The following FA2H variants were observed in gnomAD, a reference collection of about 807,000 sequenced individuals.
FA2H encodes the protein fatty acid 2-hydroxylase.
Under a neutral mutation model 44.9 loss-of-function variants are expected in FA2H, and 22 were observed. The ratio of observed to expected loss-of-function variants is 0.49; its 90% CI spans 0.35 to 0.70. The LOEUF (loss-of-function observed/expected upper bound fraction) is 0.70, where lower values mean the gene tolerates loss of function less well. FA2H is among the 30% of genes least tolerant of loss of function. The pLI is 0.01. For missense variants in FA2H, 501 were observed against 504.9 expected (o/e 0.99, Z 0.07); for synonymous variants, 243 against 213.2 (o/e 1.14, Z -1.22).
At chr16:74,758,235 C>T (rs191871169) in intron 1 of FA2H, among the ~76,000 whole-genome samples, 1 of 151,370 alleles carries the variant, frequency 6.6e-6, no homozygotes, top group African/African-American at 2.4e-5. Flanking sequence ...ATTCTCCTGC[C>T]TCAGCCTCCT....
At chr16:74,730,085 T>A (rs1260785374) in intron 2 of FA2H, among the ~76,000 whole-genome samples, 1 of 152,068 alleles carries the variant, frequency 6.6e-6, no homozygotes, top group Non-Finnish European at 1.5e-5. Context: ...CCACAGCGGG[T>A]CTTCCAGGAA....
intron 4 of FA2H, among the ~76,000 whole-genome samples, chr16:74,725,683 G>A (rs558125146): frequency 1.2e-4 from 19 of 152,302 alleles, no homozygotes; most frequent in South Asian, 2.1e-4. Context: ...GGGAGAACAC[G>A]TGGCCCCGCA....
chr16:74,722,136 G>A (rs1171430073), intron 4 of FA2H, among the ~76,000 whole-genome samples: 1 of 150,358 alleles, frequency 6.7e-6, no homozygotes, highest in African/African-American at 2.5e-5. Context: ...GGACTCCTCT[G>A]GGCTCCTTCA....
At chr16:74,734,116 G>A (rs1290829314) in intron 2 of FA2H, among the ~76,000 whole-genome samples, 1 of 152,214 alleles carries the variant, frequency 6.6e-6, no homozygotes, top group African/African-American at 2.4e-5. Flanking sequence ...TATGTCCCAA[G>A]GCTCGGGGGA....
intron 1 of FA2H, among the ~76,000 whole-genome samples, chr16:74,744,935 AC>A (rs1962388336): frequency 6.6e-6 from 1 of 152,138 alleles, no homozygotes; most frequent in Non-Finnish European, 1.5e-5. Flanking sequence ...AGGGAAGTGA[AC>A]AATTTTGTAG....
chr16:74,720,680 A>G lies in FA2H; in HGVS notation c.614-1520T>C, dbSNP rs150185909. Among the ~76,000 whole-genome samples the G allele has an allele frequency of 1.8e-4, 28 of 152,236 alleles. No homozygotes were observed. The East Asian group carries it at 5.4e-3, about 29-fold the overall frequency. On this transcript the variant is annotated intron_variant, in intron 4 of 6. Coordinates refer to ENST00000219368, the MANE Select transcript of FA2H (RefSeq NM_024306.5). ...TTAAACCGTCACCCCAGTCAATTTT[A>G]CAACATTTTTATCACTTCCCCGCCA...
chr16:74,768,234 A>G (rs1962844275), intron 1 of FA2H, among the ~76,000 whole-genome samples: 2 of 152,184 alleles, frequency 1.3e-5, no homozygotes. Flanking sequence ...TATTTCCTCC[A>G]GAGAATCCTA....
intron 4 of FA2H, among the ~76,000 whole-genome samples, chr16:74,723,821 G>C (rs1006436230): frequency 1.3e-5 from 2 of 152,148 alleles, no homozygotes; most frequent in Admixed American, 1.3e-4. Flanking sequence ...ACCCATCTTG[G>C]AGGGGTGTAG....
At chr16:74,719,875 G>A (rs1248874988) in intron 4 of FA2H, among the ~76,000 whole-genome samples, 3 of 151,848 alleles carry the variant, frequency 2.0e-5, no homozygotes, top group Non-Finnish European at 4.4e-5. Context: ...TTAATGATGG[G>A]AAGTGTGACC....
chr16:74,770,975 C>T (rs536242355), intron 1 of FA2H, among the ~76,000 whole-genome samples: 8 of 152,238 alleles, frequency 5.3e-5, no homozygotes, highest in African/African-American at 1.7e-4. Flanking sequence ...AACCATGGTG[C>T]TAGGTGGTTA....
intron 4 of FA2H, among the ~76,000 whole-genome samples, chr16:74,721,880 C>T (rs913569888): frequency 6.6e-6 from 1 of 152,220 alleles, no homozygotes; most frequent in Non-Finnish European, 1.5e-5. Context: ...TGCACCGGCA[C>T]GCGGGCGCTG....
intron 4 of FA2H, among the ~76,000 whole-genome samples, chr16:74,724,498 C>T (rs781645181): frequency 2.0e-5 from 3 of 152,214 alleles, no homozygotes; most frequent in Non-Finnish European, 4.4e-5. Context: ...CTTCTTGGCA[C>T]CCTGACTCTT....
At position 74,727,299 on chromosome 16, in the gene FA2H, T is replaced by C. The variant is rs753898846; in HGVS notation, c.451A>G (p.Arg151Gly). 1.2e-5 allele frequency: 19 copies of C among 1,614,048 alleles called. No homozygotes were observed. The Middle Eastern group carries it at 6.6e-4, about 56-fold the overall frequency. Residue 151 changes from arginine (R) to glycine (G), a missense_variant, in exon 3 of 7, where the codon AGG (arginine) becomes GGG (glycine). Physicochemically the swap from Arg to Gly is moderately radical, Grantham distance 125. Transcript: ENST00000219368. ...YDEWVHQPVT[R>G]PIRLFHSDLI... ...TCTGAGTGGAAGAGGCGGATGGGCC[T>C]GGTCACCGGCTGGTGAACCCACTCA...
chr16:74,714,414 T>G, intron 6 of FA2H, 145 bp from the exon 7 acceptor site: 1 of 694,632 alleles, frequency 1.4e-6, no homozygotes, highest in South Asian at 1.6e-5. Flanking sequence ...GAGGCCATTC[T>G]GGCAGAAGTC....
chr16:74,745,590 G>A (rs941512142), intron 1 of FA2H, among the ~76,000 whole-genome samples: 16 of 152,316 alleles, frequency 1.1e-4, no homozygotes, highest in East Asian at 1.9e-4. Flanking sequence ...GCCACTGGAC[G>A]TGCCGGGCAA....
intron 4 of FA2H, among the ~76,000 whole-genome samples, chr16:74,724,557 C>T (rs550261310): frequency 1.3e-5 from 2 of 152,298 alleles, no homozygotes; most frequent in African/African-American, 4.8e-5. Flanking sequence ...ACTAGGATCC[C>T]GCCGAGTCTC....
At chr16:74,740,330 T>G (rs939032685) in intron 1 of FA2H, among the ~76,000 whole-genome samples, 1 of 151,986 alleles carries the variant, frequency 6.6e-6, no homozygotes, top group Non-Finnish European at 1.5e-5. Flanking sequence ...AAAAAAATAA[T>G]TTCCAGCCGG....
intron 1 of FA2H, among the ~76,000 whole-genome samples, chr16:74,741,784 ATATATATATATATATATATATATATG>A (rs1243862025): frequency 1.5e-5 from 1 of 65,270 alleles, no homozygotes; most frequent in East Asian, 4.4e-4. Context: ...ATATATATAT[ATATATATATATATATATATATATATG>A]TGTGTGTGTG....
intron 1 of FA2H, among the ~76,000 whole-genome samples, chr16:74,742,495 A>G (rs1276486560): frequency 1.3e-5 from 2 of 152,248 alleles, no homozygotes; most frequent in Admixed American, 6.5e-5. Context: ...AATGAAAAGT[A>G]TATAAGACTG....
Sources: gnomAD v4.1 joint callset for allele counts (sites outside exome capture counted in the v4.1 genomes callset) on GRCh38, gnomAD v4.1.1 for gene constraint, MANE v1.5 for transcripts, NCBI Gene and HGNC (gene_info 2026-07-23, HGNC 2026-07-21) for gene names.